CNGB3: variants seen among roughly 807,000 people sequenced by gnomAD.
CNGB3 encodes the protein cyclic nucleotide-gated channel beta-3.
In CNGB3, 86 loss-of-function variants were observed where a neutral mutation model predicts 92.8. That is an observed-to-expected ratio of 0.93 (90% CI 0.78 to 1.11). The LOEUF is 1.11. Ranked by LOEUF, CNGB3 falls within the 50% of genes least tolerant of loss-of-function variation. CNGB3 has a pLI of 0.00. For missense variants in CNGB3, 1,026 were observed against 956.8 expected (o/e 1.07, Z -0.95); for synonymous variants, 333 against 332.7 (o/e 1.00, Z -0.01).
At chr8:86,623,182 G>C (rs1472295658) in intron 13 of CNGB3, among the ~76,000 whole-genome samples, 1 of 151,956 alleles carries the variant, frequency 6.6e-6, no homozygotes, top group Non-Finnish European at 1.5e-5. Context: ...CCAATATGCT[G>C]ACAGGTCCAA....
At chr8:86,653,967 T>A in intron 7 of CNGB3, 45 bp downstream of exon 7, 1 of 1,270,600 alleles carries the variant, frequency 7.9e-7, no homozygotes, top group Non-Finnish European at 1.2e-6. Flanking sequence ...AAAGTCAAAA[T>A]GGTAATAGAT....
At position 86,628,922 on chromosome 8, in the gene CNGB3, G is replaced by A; in HGVS notation, c.1477C>T (p.Leu493=). The A allele has an allele frequency of 6.2e-7, 1 of 1,613,776 alleles. No homozygotes were observed. Among genetic ancestry groups the A allele is most frequent in the Non-Finnish European group, 8.5e-7 (1 of 1,179,770 alleles). Residue 493 remains leucine (L), a synonymous_variant, in exon 12 of 18, where the codon CTA becomes TTA. Transcript: ENST00000320005. ...YEYTWDSQRM[L]DESDLLKTLP... is the part of the protein sequence containing the mutation. ...ATCGGTAATCTGCCATGCTTACCTA[G>A]CATTCTTTGAGAGTCCCATGTATAT... is the stretch of plus-strand genomic sequence containing the variant.
chr8:86,660,759 C>T, intron 6 of CNGB3: 1 of 524,852 alleles, frequency 1.9e-6, no homozygotes, highest in Middle Eastern at 4.0e-4. Flanking sequence ...GGTAACACCA[C>T]TCAAACAAAT....
chr8:86,644,481 C>A, intron 9 of CNGB3, 141 bp downstream of exon 9: 1 of 1,050,340 alleles, frequency 9.5e-7, no homozygotes. Flanking sequence ...TGTTCTAGAA[C>A]ATAGTCCTAT....
intron 3 of CNGB3, among the ~76,000 whole-genome samples, chr8:86,693,717 C>A (rs996294855): frequency 6.6e-6 from 1 of 151,736 alleles, no homozygotes; most frequent in Non-Finnish European, 1.5e-5. Flanking sequence ...ATCCATTTAA[C>A]CCTGAGTGGA....
intron 3 of CNGB3, among the ~76,000 whole-genome samples, chr8:86,702,450 G>A (rs1824573782): frequency 6.6e-6 from 1 of 152,160 alleles, no homozygotes; most frequent in Admixed American, 6.5e-5. Flanking sequence ...CTTTGACCAT[G>A]AAGATTTTAT....
Position 86,711,841 on chromosome 8 carries a change from A to C in CNGB3, c.338+14690T>G, listed in dbSNP as rs866784366. Among the ~76,000 whole-genome samples, 1,442 of 149,656 alleles carry C rather than the reference A, an allele frequency of 9.6e-3. 14 individuals carry two copies. Among genetic ancestry groups the C allele is most frequent in the South Asian group, 0.046 (220 of 4,764 alleles). On this transcript the variant is annotated intron_variant, in intron 3 of 17. Transcript: ENST00000320005. The stretch of plus-strand genomic sequence containing the variant: ...ACTCTCTCTCTCTCTCTCTCTATAT[A>C]TATATATATATGACATATAATACAT...
intron 3 of CNGB3, among the ~76,000 whole-genome samples, chr8:86,685,039 T>G (rs552929463): frequency 6.6e-6 from 1 of 152,118 alleles, no homozygotes; most frequent in Non-Finnish European, 1.5e-5. Context: ...ATTGTCAACA[T>G]CCTGGTTGTG....
rs35692774 is a variant in CNGB3, at chr8:86,717,561, C to CAA, written c.338+8968_338+8969dup. ...CTGGTGACAGAGTGAGACTCTGTCT[C>CAA]AAAAAAAAAAAAAAAAAAAATCGAG... On this transcript the variant is annotated intron_variant, in intron 3 of 17. Coordinates refer to ENST00000320005, the MANE Select transcript of CNGB3 (RefSeq NM_019098.5). 3.5e-3 allele frequency among the ~76,000 whole-genome samples: 422 copies of CAA among 119,552 alleles called. 7 individuals carry two copies. The highest frequency in any genetic ancestry group is 0.021 in the East Asian group (85 of 4,118). The allele number at this position is 119,552 out of a possible 152,430, so 78.4% of individuals were successfully genotyped here. A position where few individuals can be genotyped will look rare whatever the true frequency, so the allele number is the denominator to read the frequency against.
At chr8:86,682,796 A>G (rs1824108468) in intron 3 of CNGB3, among the ~76,000 whole-genome samples, 1 of 152,198 alleles carries the variant, frequency 6.6e-6, no homozygotes, top group African/African-American at 2.4e-5. Context: ...ACAGAAGGAA[A>G]TCAGAGTAGG....
At chr8:86,702,634 T>A (rs13263948) in intron 3 of CNGB3, among the ~76,000 whole-genome samples, 30,812 of 152,108 alleles carry the variant, frequency 0.2, 3,524 homozygotes, top group South Asian at 0.3. Context: ...TTGGGTAGTA[T>A]TTTAAAAACA....
chr8:86,626,990 C>T (rs1002882095), intron 12 of CNGB3, among the ~76,000 whole-genome samples: 1 of 152,006 alleles, frequency 6.6e-6, no homozygotes, highest in African/African-American at 2.4e-5. Flanking sequence ...TTTTCCTGAT[C>T]CTGTCCCTCT....
chr8:86,650,741 GA>G (rs1449345920), intron 7 of CNGB3, among the ~76,000 whole-genome samples: 7 of 151,338 alleles, frequency 4.6e-5, no homozygotes, highest in Non-Finnish European at 7.4e-5. Flanking sequence ...AACTTCTATG[GA>G]AAACAGTATG....
At chr8:86,618,869 A>T (rs1585972913) in intron 13 of CNGB3, among the ~76,000 whole-genome samples, 1 of 152,324 alleles carries the variant, frequency 6.6e-6, no homozygotes, top group East Asian at 1.9e-4. Context: ...GCTAGAAAGC[A>T]TGCTGCCATT....
intron 3 of CNGB3, among the ~76,000 whole-genome samples, chr8:86,719,591 G>A (rs1824927031): frequency 6.6e-6 from 1 of 152,026 alleles, no homozygotes; most frequent in African/African-American, 2.4e-5. Flanking sequence ...TACAAATTCA[G>A]TGTAATTCCT....
chr8:86,579,042 T>C, intron 16 of CNGB3, 64 bp downstream of exon 16: 1 of 1,598,048 alleles, frequency 6.3e-7, no homozygotes, highest in Non-Finnish European at 8.6e-7. Flanking sequence ...CGGTTCTCCC[T>C]ATCTCAGAGT....
chr8:86,739,211 G>A (rs1325485338), intron 2 of CNGB3, among the ~76,000 whole-genome samples: 1 of 152,186 alleles, frequency 6.6e-6, no homozygotes, highest in East Asian at 1.9e-4. Context: ...TTATAATGGA[G>A]AGAGTTTAGC....
intron 10 of CNGB3, among the ~76,000 whole-genome samples, chr8:86,635,851 T>TATAC (rs1823057618): frequency 1.3e-5 from 1 of 76,456 alleles, no homozygotes; most frequent in African/African-American, 7.0e-5. Flanking sequence ...TATATATATA[T>TATAC]ATATATATAT....
At chr8:86,651,082 C>T (rs1226571077) in intron 7 of CNGB3, among the ~76,000 whole-genome samples, 1 of 151,598 alleles carries the variant, frequency 6.6e-6, no homozygotes, top group African/African-American at 2.4e-5. Flanking sequence ...ACTATACGTT[C>T]TCACTTATAA....
Sources: allele counts gnomAD v4.1 joint callset (sites outside exome capture counted in the v4.1 genomes callset), GRCh38; gene constraint gnomAD v4.1.1; transcripts MANE v1.5; gene names NCBI Gene and HGNC (gene_info 2026-07-23, HGNC 2026-07-21).